Variants in SORCS3 observed in about 807,000 individuals in gnomAD.
SORCS3 encodes the protein sortilin related VPS10 domain containing receptor 3, also known as VPS10 domain-containing receptor SorCS3.
A neutral mutation model predicts 146.3 loss-of-function variants in SORCS3; 57 were observed. The ratio of observed to expected loss-of-function variants is 0.39; its 90% CI spans 0.31 to 0.49. The LOEUF is 0.49. SORCS3 is among the 20% of genes least tolerant of loss of function. The pLI is 0.92. For missense variants in SORCS3, 1,341 were observed against 1,575.5 expected (o/e 0.85, Z 2.52); for synonymous variants, 653 against 618.5 (o/e 1.06, Z -0.83).
intron 5 of SORCS3, among the ~76,000 whole-genome samples, chr10:105,059,352 G>C (rs1037475371): frequency 6.6e-6 from 1 of 152,104 alleles, no homozygotes; most frequent in South Asian, 2.1e-4. Flanking sequence ...TGCTTTGCAG[G>C]CTGCAAAGAA....
At chr10:105,122,058 G>A (rs142085563) in intron 7 of SORCS3, among the ~76,000 whole-genome samples, 27 of 152,142 alleles carry the variant, frequency 1.8e-4, no homozygotes, top group Non-Finnish European at 3.7e-4. Context: ...CCTCTGCTAA[G>A]CCCAGCTCCC....
intron 2 of SORCS3, among the ~76,000 whole-genome samples, chr10:104,862,447 A>G (rs1199769649): frequency 1.3e-5 from 2 of 152,234 alleles, no homozygotes; most frequent in Admixed American, 1.3e-4. Context: ...TTTTAAGCAG[A>G]TAAGTGACAT....
chr10:104,862,184 A>C (rs1427199376), intron 2 of SORCS3, among the ~76,000 whole-genome samples: 1 of 152,202 alleles, frequency 6.6e-6, no homozygotes, highest in Non-Finnish European at 1.5e-5. Flanking sequence ...AGGCTGAAGG[A>C]TGAGGAAGAG....
chr10:104,664,231 T>C (rs541292943), intron 1 of SORCS3, among the ~76,000 whole-genome samples: 2 of 152,138 alleles, frequency 1.3e-5, no homozygotes, highest in African/African-American at 4.8e-5. Context: ...CATGGGGGAA[T>C]TGTCAGCCAT....
intron 1 of SORCS3, among the ~76,000 whole-genome samples, chr10:104,728,701 G>A (rs2016670922): frequency 6.6e-6 from 1 of 152,166 alleles, no homozygotes; most frequent in Non-Finnish European, 1.5e-5. Flanking sequence ...CCTAGGGCCT[G>A]CAGACCCAAA....
At chr10:104,907,911 G>A (rs540974240) in intron 2 of SORCS3, among the ~76,000 whole-genome samples, 2 of 152,352 alleles carry the variant, frequency 1.3e-5, no homozygotes, top group South Asian at 4.1e-4. Context: ...GGTCAGGCTG[G>A]GCTTCTGCCA....
rs555901690 is a variant in SORCS3 at position 104,888,840 on chromosome 10, A to G, written c.696-26993A>G. Among the ~76,000 whole-genome samples, 505 of 152,284 alleles carry G rather than the reference A, an allele frequency of 3.3e-3. 2 individuals carry two copies. Among genetic ancestry groups the G allele is most frequent in the South Asian group, 0.018 (87 of 4,824 alleles). On this transcript the variant is annotated intron_variant, in intron 2 of 26. Transcript: ENST00000369701. ...GTTGTGGGAAGATCCTTGGGGAGTG[A>G]CTGAGTTGGCTGGAAGACATTTGGG...
At chr10:104,714,595 T>C (rs2016455986) in intron 1 of SORCS3, among the ~76,000 whole-genome samples, 1 of 152,240 alleles carries the variant, frequency 6.6e-6, no homozygotes, top group South Asian at 2.1e-4. Flanking sequence ...CTAGTCTAAT[T>C]CCACTGTGGT....
intron 4 of SORCS3, among the ~76,000 whole-genome samples, chr10:105,026,174 G>C (rs1460621014): frequency 6.6e-6 from 1 of 152,054 alleles, no homozygotes; most frequent in Non-Finnish European, 1.5e-5. Context: ...CAGTCATTCT[G>C]TTACACATCT....
chr10:104,934,587 C>T (rs892863951), intron 3 of SORCS3, among the ~76,000 whole-genome samples: 6 of 152,034 alleles, frequency 3.9e-5, no homozygotes, highest in Admixed American at 1.3e-4. Flanking sequence ...TCTGGATGTG[C>T]GCATAAGTGC....
chr10:104,953,126 C>A (rs542448327), intron 3 of SORCS3, among the ~76,000 whole-genome samples: 1 of 152,290 alleles, frequency 6.6e-6, no homozygotes, highest in Admixed American at 6.5e-5. Flanking sequence ...GGATAGCTAA[C>A]CAAATAATGT....
At chr10:104,828,487 A>G (rs2017964403) in intron 1 of SORCS3, among the ~76,000 whole-genome samples, 1 of 152,184 alleles carries the variant, frequency 6.6e-6, no homozygotes, top group Admixed American at 6.5e-5. Context: ...TTACAAAGTA[A>G]CATCAAAGAT....
chr10:105,099,959 C>T (rs555677899), intron 6 of SORCS3, among the ~76,000 whole-genome samples: 4 of 152,270 alleles, frequency 2.6e-5, no homozygotes, highest in Non-Finnish European at 5.9e-5. Flanking sequence ...CCTGCAGCTT[C>T]TCTATACCCC....
chr10:104,834,102 C>T (rs926508318), intron 1 of SORCS3, among the ~76,000 whole-genome samples: 10 of 152,248 alleles, frequency 6.6e-5, no homozygotes, highest in African/African-American at 2.2e-4. Context: ...ACCTGTCTCC[C>T]CAGTCCACTG....
chr10:104,816,454 G>A (rs2017798769), intron 1 of SORCS3, among the ~76,000 whole-genome samples: 1 of 152,054 alleles, frequency 6.6e-6, no homozygotes, highest in African/African-American at 2.4e-5. Context: ...TTTGTTAATG[G>A]TTATCCTTTC....
chr10:105,236,143 C>G (rs1402725605), intron 20 of SORCS3, among the ~76,000 whole-genome samples: 1 of 151,972 alleles, frequency 6.6e-6, no homozygotes, highest in Non-Finnish European at 1.5e-5. Context: ...TATTCTTCAC[C>G]AGGAAAACAG....
intron 3 of SORCS3, among the ~76,000 whole-genome samples, chr10:104,974,930 T>A (rs1413442542): frequency 6.6e-6 from 1 of 152,258 alleles, no homozygotes; most frequent in South Asian, 2.1e-4. Flanking sequence ...GTCTGTAAAG[T>A]ATTTTATTTC....
intron 9 of SORCS3, among the ~76,000 whole-genome samples, chr10:105,149,750 G>T (rs1188549268): frequency 3.9e-5 from 6 of 152,070 alleles, no homozygotes; most frequent in African/African-American, 1.4e-4. Flanking sequence ...TGGTACAGTG[G>T]GTGAGTTTGC....
intron 14 of SORCS3, among the ~76,000 whole-genome samples, chr10:105,199,462 T>C (rs1348449230): frequency 6.6e-6 from 1 of 152,176 alleles, no homozygotes; most frequent in Non-Finnish European, 1.5e-5. Flanking sequence ...GAATTTCAAC[T>C]AACACTTAAA....
Sources: gnomAD v4.1 joint callset for allele counts (sites outside exome capture counted in the v4.1 genomes callset) on GRCh38, gnomAD v4.1.1 for gene constraint, MANE v1.5 for transcripts, NCBI Gene and HGNC (gene_info 2026-07-23, HGNC 2026-07-21) for gene names.